C2orf49: variants seen among roughly 807,000 people sequenced by gnomAD.
C2orf49 encodes tRNA-splicing ligase complex subunit ASW.
In C2orf49, 11 loss-of-function variants were observed where a neutral mutation model predicts 20.6. The observed-to-expected ratio is 0.53, with a 90% CI of 0.34 to 0.88. The LOEUF (loss-of-function observed/expected upper bound fraction) is 0.88, where lower values mean the gene tolerates loss of function less well. Ranked by LOEUF, C2orf49 falls within the 40% of genes least tolerant of loss-of-function variation. The probability of loss-of-function intolerance (pLI) is 0.02; values close to 1 mark genes in which losing one functional copy is unlikely to be tolerated. For synonymous variants in C2orf49, 134 were observed against 108.5 expected, an observed-to-expected ratio of 1.24 and a Z score of -1.46; for missense variants, 289 against 274.2, an observed-to-expected ratio of 1.05 and a Z score of -0.38.
At chr2:105,339,862 A>AG in intron 2 of C2orf49, 113 bp downstream of exon 2, 5 of 936,254 alleles carry the variant, frequency 5.3e-6, no homozygotes, top group Non-Finnish European at 6.1e-6. Context: ...CTCAATGACT[A>AG]TCTATTGAGC....
chr2:105,350,698 G>C (rs1434072774), downstream of C2orf49, among the ~76,000 whole-genome samples: 1 of 152,130 alleles, frequency 6.6e-6, no homozygotes, highest in Non-Finnish European at 1.5e-5. Flanking sequence ...ATCTTTCGAA[G>C]CCTTCTGTTT....
intron 2 of C2orf49, among the ~76,000 whole-genome samples, chr2:105,340,461 C>A (rs1202277705): frequency 6.6e-6 from 1 of 152,074 alleles, no homozygotes; most frequent in Admixed American, 6.6e-5. Flanking sequence ...ATGGCAGCAG[C>A]TTTGACTACA....
At chr2:105,370,186 A>G in the C2orf49 span, among the ~76,000 whole-genome samples, 1 of 152,116 alleles carries the variant, frequency 6.6e-6, no homozygotes, top group Admixed American at 6.5e-5. Context: ...CAGCCTGGGC[A>G]ACATAGAGAG....
chr2:105,352,864 AT>A, downstream of C2orf49, among the ~76,000 whole-genome samples: 1 of 152,248 alleles, frequency 6.6e-6, no homozygotes, highest in Non-Finnish European at 1.5e-5. Context: ...TACTAGTTAT[AT>A]TTTTTTAATT....
chr2:105,341,282 C>T (rs941708409), intron 2 of C2orf49, among the ~76,000 whole-genome samples: 2 of 152,222 alleles, frequency 1.3e-5, no homozygotes, highest in Non-Finnish European at 1.5e-5. Flanking sequence ...AATCTTTGTA[C>T]AACTGTCTTG....
chr2:105,371,398 C>G, the C2orf49 span, among the ~76,000 whole-genome samples: 1 of 152,140 alleles, frequency 6.6e-6, no homozygotes, highest in African/African-American at 2.4e-5. Flanking sequence ...ACACACCCTG[C>G]CTGAGTTTCC....
At chr2:105,376,676 G>T in the C2orf49 span, 1 of 152,306 alleles carries the variant, frequency 6.6e-6, no homozygotes, top group East Asian at 1.9e-4. Context: ...ATACCCAAAA[G>T]AATTAAAAGT....
At chr2:105,354,938 CAT>C in the C2orf49 span, among the ~76,000 whole-genome samples, 1 of 152,100 alleles carries the variant, frequency 6.6e-6, no homozygotes, top group African/African-American at 2.4e-5. Flanking sequence ...TGGGAAAAAA[CAT>C]GGGTTTTTCA....
At chr2:105,382,115 A>G in the C2orf49 span, among the ~76,000 whole-genome samples, 2 of 152,194 alleles carry the variant, frequency 1.3e-5, no homozygotes, top group Non-Finnish European at 2.9e-5. Flanking sequence ...CCATTACCAA[A>G]CATTAACTGA....
At chr2:105,357,402 A>G in the C2orf49 span, among the ~76,000 whole-genome samples, 3 of 152,180 alleles carry the variant, frequency 2.0e-5, no homozygotes, top group Admixed American at 6.5e-5. Flanking sequence ...CATTTGATTT[A>G]TTAAAAATAA....
rs1350568366 is a variant in C2orf49 at position 105,342,916 on chromosome 2, G to C, written c.335G>C (p.Ser112Thr). 3 of 1,614,158 alleles carry C rather than the reference G, an allele frequency of 1.9e-6. No individual in the cohort carries two copies. The change falls in exon 3 of 4, where the codon AGC (serine) becomes ACC (threonine). Residue 112 changes from serine (S) to threonine (T), a missense_variant. Ser to Thr is a moderately conservative substitution (Grantham distance 58). Transcript: ENST00000258457. ...IVFDGSSTST[S>T]IKVKKTENGD... ...TTTGATGGAAGTTCAACAAGTACAA[G>C]CATAAAAGTGAAAAAGACAGAGAAT...
chr2:105,376,484 C>T, the C2orf49 span: 1 of 152,154 alleles, frequency 6.6e-6, no homozygotes, highest in East Asian at 1.9e-4. Flanking sequence ...CATTAGAAGC[C>T]CTATCCACCC....
rs1161221704 is a variant in C2orf49, at chr2:105,347,491, T to C, written c.*2120T>C. On this transcript the variant is annotated 3_prime_UTR_variant, in exon 4 of 4. Transcript: ENST00000258457. Reference sequence around the variant, plus strand: ...TACAGAGTAGGTTGGTAATAACAGCTGAACTGTGTAACATTGTTGCTTCAA... The same window carrying C: ...TACAGAGTAGGTTGGTAATAACAGCCGAACTGTGTAACATTGTTGCTTCAA... The C allele has an allele frequency of 6.6e-6, 1 of 152,252 alleles. No homozygotes were observed. The highest frequency in any genetic ancestry group is 2.4e-5 in the African/African-American group (1 of 41,462). 9.4% of individuals were successfully genotyped at this position (152,252 alleles called of 1,614,324 possible). A position where few individuals can be genotyped will look rare whatever the true frequency, so the allele number is the denominator to read the frequency against.
chr2:105,352,429 G>GGTT (rs1679956247), downstream of C2orf49, among the ~76,000 whole-genome samples: 1 of 80,758 alleles, frequency 1.2e-5, no homozygotes, highest in African/African-American at 5.1e-5. Flanking sequence ...GTTTGTTTGG[G>GGTT]TTTTTTTTTT....
the C2orf49 span, among the ~76,000 whole-genome samples, chr2:105,365,722 G>A: frequency 6.6e-6 from 1 of 151,490 alleles, no homozygotes; most frequent in Non-Finnish European, 1.5e-5. Flanking sequence ...GCACCTGCCT[G>A]TAATCCCAGC....
downstream of C2orf49, among the ~76,000 whole-genome samples, chr2:105,352,429 GTTT>G (rs61585149): frequency 8.9e-3 from 720 of 80,788 alleles, 2 homozygotes; most frequent in Middle Eastern, 0.016. Context: ...GTTTGTTTGG[GTTT>G]TTTTTTTTTT....
At chr2:105,343,495 C>G (rs1233755141) in intron 3 of C2orf49, among the ~76,000 whole-genome samples, 1 of 152,158 alleles carries the variant, frequency 6.6e-6, no homozygotes, top group Non-Finnish European at 1.5e-5. Flanking sequence ...CTAGATTTTT[C>G]TCATTTAGTT....
intron 3 of C2orf49, 135 bp downstream of exon 3, chr2:105,343,358 A>G: frequency 1.3e-6 from 1 of 752,490 alleles, no homozygotes; most frequent in Non-Finnish European, 2.0e-6. Flanking sequence ...GATTTGTATA[A>G]TACAACTTAT....
intron 1 of C2orf49, among the ~76,000 whole-genome samples, chr2:105,338,070 C>A (rs1192489280): frequency 6.6e-6 from 1 of 152,142 alleles, no homozygotes; most frequent in African/African-American, 2.4e-5. Context: ...ACCGTCCATT[C>A]CACACCTTCT....
Sources: allele counts gnomAD v4.1 joint callset (sites outside exome capture counted in the v4.1 genomes callset), GRCh38; gene constraint gnomAD v4.1.1; transcripts MANE v1.5; gene names NCBI Gene and HGNC (gene_info 2026-07-23, HGNC 2026-07-21).